NELL1: variants seen among roughly 807,000 people sequenced by gnomAD.
NELL1 encodes neural EGFL like 1.
Under a neutral mutation model 107.4 loss-of-function variants are expected in NELL1, and 76 were observed. The observed-to-expected ratio is 0.71, with a 90% CI of 0.59 to 0.86. The LOEUF (loss-of-function observed/expected upper bound fraction) is 0.86. Among genes scored for constraint, NELL1 ranks in the 40% least tolerant of loss-of-function variants. The pLI, the probability that NELL1 is intolerant of heterozygous loss-of-function variation, is 0.00. For missense variants in NELL1, 1,024 were observed against 1,005.5 expected (o/e 1.02, Z -0.25); for synonymous variants, 353 against 341.2 (o/e 1.03, Z -0.38).
At chr11:20,690,499 A>C (rs1854434445) in intron 2 of NELL1, among the ~76,000 whole-genome samples, 1 of 150,774 alleles carries the variant, frequency 6.6e-6, no homozygotes. Flanking sequence ...CTTTCTACAT[A>C]TGGCTAGCCA....
intron 15 of NELL1, among the ~76,000 whole-genome samples, chr11:21,503,854 G>T (rs1855213128): frequency 6.6e-6 from 1 of 151,422 alleles, no homozygotes; most frequent in African/African-American, 2.4e-5. Flanking sequence ...GCAACACTTG[G>T]CTTTTTTTTT....
At chr11:20,670,198 C>T (rs1273869852) in intron 1 of NELL1, among the ~76,000 whole-genome samples, 1 of 152,124 alleles carries the variant, frequency 6.6e-6, no homozygotes, top group Non-Finnish European at 1.5e-5. Flanking sequence ...GCGGGAGTCG[C>T]ACCCGCAGAG....
At chr11:21,266,204 C>T (rs1236070950) in intron 14 of NELL1, among the ~76,000 whole-genome samples, 1 of 150,548 alleles carries the variant, frequency 6.6e-6, no homozygotes, top group East Asian at 1.9e-4. Flanking sequence ...TTTTTTTTAA[C>T]TCGGCTTAGA....
intron 16 of NELL1, among the ~76,000 whole-genome samples, chr11:21,553,750 A>T (rs1350425664): frequency 6.6e-6 from 1 of 151,896 alleles, no homozygotes; most frequent in African/African-American, 2.4e-5. Context: ...ATAAGACCAG[A>T]ATCTTACAAA....
At chr11:21,075,651 G>T (rs1376933774) in intron 12 of NELL1, among the ~76,000 whole-genome samples, 1 of 152,084 alleles carries the variant, frequency 6.6e-6, no homozygotes, top group African/African-American at 2.4e-5. Flanking sequence ...CATTATGTTT[G>T]CTTAGGCTTG....
chr11:21,001,220 T>C (rs1852212559), intron 12 of NELL1, among the ~76,000 whole-genome samples: 1 of 152,184 alleles, frequency 6.6e-6, no homozygotes, highest in Non-Finnish European at 1.5e-5. Flanking sequence ...CTCACTTTAT[T>C]CTATTAAGTG....
chr11:20,806,524 G>A (rs954724705), intron 3 of NELL1, among the ~76,000 whole-genome samples: 1 of 151,998 alleles, frequency 6.6e-6, no homozygotes, highest in Non-Finnish European at 1.5e-5. Flanking sequence ...TCTTCTTTCA[G>A]TTAAATTTGC....
chr11:21,410,169 T>C (rs890259431), intron 15 of NELL1, among the ~76,000 whole-genome samples: 4 of 152,080 alleles, frequency 2.6e-5, no homozygotes. Context: ...TGTAAATTAC[T>C]TTCCCTTTTT....
intron 10 of NELL1, among the ~76,000 whole-genome samples, chr11:20,938,936 CTCTCTGTGTGTG>C (rs1418765411): frequency 4.0e-4 from 17 of 42,330 alleles, no homozygotes; most frequent in African/African-American, 7.8e-4. Flanking sequence ...CTCTCTCTCT[CTCTCTGTGTGTG>C]TGTGTGTGTG....
chr11:21,141,720 C>A (rs954946918), intron 13 of NELL1, among the ~76,000 whole-genome samples: 3 of 151,362 alleles, frequency 2.0e-5, no homozygotes, highest in Non-Finnish European at 4.4e-5. Context: ...CCATTGTATA[C>A]CCTCCTCCTC....
chr11:20,731,497 T>A (rs911336299), intron 2 of NELL1, among the ~76,000 whole-genome samples: 5 of 152,206 alleles, frequency 3.3e-5, no homozygotes, highest in African/African-American at 7.2e-5. Flanking sequence ...ATTGTGTGTG[T>A]GAGTGCATGC....
rs1177812120 is a variant in NELL1 at position 20,795,065 on chromosome 11, T to G, written c.335+11235T>G. 1.0e-3 allele frequency among the ~76,000 whole-genome samples: 155 copies of G among 152,224 alleles called. 4 individuals carry two copies. The highest frequency in any genetic ancestry group is 0.01 in the Admixed American group (155 of 15,278). On this transcript the variant is annotated intron_variant, in intron 3 of 19. Transcript: ENST00000357134. ...ACTCTCAGGCACAGCCATTATTGAA[T>G]TAGAAGACTTCATTCAGTGGCTGAG...
At chr11:21,225,597 G>C (rs933990074) in intron 13 of NELL1, among the ~76,000 whole-genome samples, 1 of 152,094 alleles carries the variant, frequency 6.6e-6, no homozygotes, top group Non-Finnish European at 1.5e-5. Context: ...TTATCTACTG[G>C]TTGTTGTGGT....
intron 13 of NELL1, among the ~76,000 whole-genome samples, chr11:21,141,806 C>G (rs904965780): frequency 4.0e-5 from 6 of 151,692 alleles, no homozygotes; most frequent in African/African-American, 1.5e-4. Flanking sequence ...TCCTGTCGCC[C>G]AGGCTGGATT....
chr11:21,354,880 G>T (rs1388711591), intron 14 of NELL1, among the ~76,000 whole-genome samples: 3 of 152,124 alleles, frequency 2.0e-5, no homozygotes. Flanking sequence ...TGACCTCCAG[G>T]GCTAATATAA....
At chr11:20,904,037 C>T (rs1849937076) in intron 5 of NELL1, among the ~76,000 whole-genome samples, 1 of 152,046 alleles carries the variant, frequency 6.6e-6, no homozygotes, top group South Asian at 2.1e-4. Context: ...AGACCTTATT[C>T]ACAAATTATT....
intron 13 of NELL1, among the ~76,000 whole-genome samples, chr11:21,180,730 C>A (rs1856809093): frequency 1.3e-5 from 2 of 151,584 alleles, no homozygotes; most frequent in African/African-American, 2.4e-5. Flanking sequence ...TGGTGAGTTT[C>A]CCTGTTCCTT....
At chr11:21,552,253 A>G (rs2133991447) in intron 16 of NELL1, among the ~76,000 whole-genome samples, 1 of 151,758 alleles carries the variant, frequency 6.6e-6, no homozygotes, top group South Asian at 2.1e-4. Flanking sequence ...TAACCTGCAC[A>G]TTGTGCACAT....
At chr11:21,462,432 T>C (rs1564906440) in intron 15 of NELL1, among the ~76,000 whole-genome samples, 1 of 152,134 alleles carries the variant, frequency 6.6e-6, no homozygotes, top group African/African-American at 2.4e-5. Flanking sequence ...ATGGTTAAAA[T>C]AGATTGTTTT....
Sources: gnomAD v4.1 joint callset for allele counts (sites outside exome capture counted in the v4.1 genomes callset) on GRCh38, gnomAD v4.1.1 for gene constraint, MANE v1.5 for transcripts, NCBI Gene and HGNC (gene_info 2026-07-23, HGNC 2026-07-21) for gene names.